PSMD14: variants seen among roughly 807,000 people sequenced by gnomAD.
PSMD14 encodes the protein proteasome 26S subunit, non-ATPase 14.
Under a neutral mutation model 41.2 loss-of-function variants are expected in PSMD14, and 7 were observed. The observed-to-expected ratio is 0.17, with a 90% confidence interval of 0.10 to 0.32. The LOEUF (loss-of-function observed/expected upper bound fraction) is 0.32. Ranked by LOEUF, PSMD14 falls within the 10% of genes least tolerant of loss-of-function variation. The pLI is 1.00. For synonymous variants in PSMD14, 114 were observed against 122.3 expected (o/e 0.93, Z 0.45); for missense variants, 139 against 375.6 (o/e 0.37, Z 5.21).
chr2:161,368,662 A>G (rs769708507), intron 5 of PSMD14, among the ~76,000 whole-genome samples: 1 of 151,954 alleles, frequency 6.6e-6, no homozygotes, highest in Non-Finnish European at 1.5e-5. Context: ...ATATGCATGT[A>G]TTTTTCCAAG....
chr2:161,357,868 C>T (rs1307207242), intron 3 of PSMD14, among the ~76,000 whole-genome samples: 1 of 150,096 alleles, frequency 6.7e-6, no homozygotes, highest in Non-Finnish European at 1.5e-5. Context: ...GTTTAAGTTC[C>T]ATCACATTCA....
At chr2:161,391,281 G>T in intron 9 of PSMD14, 103 bp downstream of exon 9, 1 of 1,166,380 alleles carries the variant, frequency 8.6e-7, no homozygotes, top group East Asian at 2.8e-5. Flanking sequence ...ACCTCTTTCA[G>T]TGTTTCCAAA....
chr2:161,359,388 G>T (rs185667538), intron 3 of PSMD14, among the ~76,000 whole-genome samples: 4 of 152,178 alleles, frequency 2.6e-5, no homozygotes, highest in South Asian at 2.1e-4. Context: ...TGCTTGCCTG[G>T]TTTTTATTTT....
chr2:161,370,433 C>G (rs1683416889), intron 6 of PSMD14, among the ~76,000 whole-genome samples: 1 of 152,050 alleles, frequency 6.6e-6, no homozygotes, highest in African/African-American at 2.4e-5. Flanking sequence ...GCTGTAGCTT[C>G]CCTCTGTTTA....
At chr2:161,389,889 G>GTTGTTTTTTTTTTTTTTTTTTTTTGT in intron 8 of PSMD14, among the ~76,000 whole-genome samples, 1 of 20,042 alleles carries the variant, frequency 5.0e-5, no homozygotes, top group Non-Finnish European at 1.0e-4. Context: ...CTTTTTTGTT[G>GTTGTTTTTTTTTTTTTTTTTTTTTGT]TTTTTTTTTT....
intron 3 of PSMD14, among the ~76,000 whole-genome samples, chr2:161,337,565 G>A (rs1468844508): frequency 6.6e-6 from 1 of 152,174 alleles, no homozygotes; most frequent in African/African-American, 2.4e-5. Context: ...ATTTTAGTTT[G>A]GGAGAGTATC....
intron 3 of PSMD14, among the ~76,000 whole-genome samples, chr2:161,356,415 T>C (rs562523660): frequency 1.4e-3 from 219 of 152,302 alleles, no homozygotes; most frequent in African/African-American, 5.0e-3. Flanking sequence ...GTTGTATGTG[T>C]TTGAATTCAT....
At chr2:161,334,188 T>G (rs1056421794) in intron 3 of PSMD14, among the ~76,000 whole-genome samples, 1 of 151,736 alleles carries the variant, frequency 6.6e-6, no homozygotes, top group African/African-American at 2.4e-5. Flanking sequence ...AATACAAAAT[T>G]AAGTGGGTAT....
intron 7 of PSMD14, among the ~76,000 whole-genome samples, chr2:161,371,967 C>CTTTTTTT (rs529718395): frequency 6.9e-6 from 1 of 145,334 alleles, no homozygotes; most frequent in Non-Finnish European, 1.5e-5. Flanking sequence ...TTCATTCTTT[C>CTTTTTTT]TTTTTTTTTT....
rs1183528240 is a variant in PSMD14, at chr2:161,369,604, T to C, written c.241-503T>C. 3.3e-5 allele frequency among the ~76,000 whole-genome samples: 5 copies of C among 152,080 alleles called. No individual in the cohort carries two copies. The East Asian group carries it at 9.6e-4, about 29-fold the overall frequency. On this transcript the variant is annotated intron_variant, in intron 5 of 11. Transcript: ENST00000409682. The stretch of plus-strand genomic sequence containing the variant: ...TGGGAGCTATAAAGACAGTACTCTA[T>C]CGCCAGAGAGATGATCTGAACCTTT...
intron 7 of PSMD14, among the ~76,000 whole-genome samples, chr2:161,374,138 T>A (rs1018829871): frequency 6.6e-6 from 1 of 151,948 alleles, no homozygotes; most frequent in Non-Finnish European, 1.5e-5. Context: ...CCACTATGAA[T>A]GATGTAATCA....
chr2:161,333,459 A>G (rs942956415), intron 3 of PSMD14, among the ~76,000 whole-genome samples: 8 of 152,236 alleles, frequency 5.3e-5, no homozygotes, highest in African/African-American at 1.9e-4. Context: ...GTCCTGGCAC[A>G]GGTTTCGGAC....
At chr2:161,320,977 C>T (rs1325572039) in intron 3 of PSMD14, among the ~76,000 whole-genome samples, 2 of 152,140 alleles carry the variant, frequency 1.3e-5, no homozygotes, top group Non-Finnish European at 1.5e-5. Context: ...CCACCTGCCT[C>T]GGCCTCCCAA....
chr2:161,375,811 C>G (rs1683495173), intron 7 of PSMD14, among the ~76,000 whole-genome samples: 1 of 151,778 alleles, frequency 6.6e-6, no homozygotes, highest in South Asian at 2.1e-4. Flanking sequence ...GTGAGTGGAT[C>G]GCTAGAGCCC....
chr2:161,373,686 A>C (rs977026690), intron 7 of PSMD14, among the ~76,000 whole-genome samples: 6 of 151,930 alleles, frequency 3.9e-5, no homozygotes, highest in African/African-American at 1.4e-4. Context: ...TTTATATATA[A>C]ATGATTTAAG....
intron 1 of PSMD14, among the ~76,000 whole-genome samples, chr2:161,314,027 C>T (rs1178223933): frequency 6.6e-6 from 1 of 152,158 alleles, no homozygotes; most frequent in African/African-American, 2.4e-5. Context: ...TTTTTGAAAA[C>T]ATTGAGAGCT....
At chr2:161,373,298 T>C (rs1054564452) in intron 7 of PSMD14, among the ~76,000 whole-genome samples, 1 of 151,876 alleles carries the variant, frequency 6.6e-6, no homozygotes, top group East Asian at 1.9e-4. Context: ...AAGAAATCTT[T>C]TTGAAAAAAT....
chr2:161,389,226 A>G (rs779944318), intron 8 of PSMD14, among the ~76,000 whole-genome samples: 2 of 152,144 alleles, frequency 1.3e-5, no homozygotes, highest in Non-Finnish European at 2.9e-5. Context: ...AGCAGTTACT[A>G]GCTTTATGAC....
chr2:161,315,496 G>A (rs150294073), intron 1 of PSMD14, among the ~76,000 whole-genome samples: 1 of 152,232 alleles, frequency 6.6e-6, no homozygotes, highest in East Asian at 1.9e-4. Context: ...AAAGACTACA[G>A]AGATGAAGTC....
Sources: allele counts gnomAD v4.1 joint callset (sites outside exome capture counted in the v4.1 genomes callset), GRCh38; gene constraint gnomAD v4.1.1; transcripts MANE v1.5; gene names NCBI Gene and HGNC (gene_info 2026-07-23, HGNC 2026-07-21).